Variants in AKAP10 observed in about 807,000 individuals in gnomAD.
The protein encoded by AKAP10 is A-kinase anchoring protein 10.
Under a neutral mutation model 80.8 loss-of-function variants are expected in AKAP10, and 24 were observed. That is an observed-to-expected ratio of 0.30 (90% CI 0.22 to 0.42). The LOEUF (loss-of-function observed/expected upper bound fraction) is 0.42, where lower values mean the gene tolerates loss of function less well. AKAP10 is among the 10% of genes least tolerant of loss of function. The pLI is 1.00. For missense variants in AKAP10, 661 were observed against 794.9 expected (o/e 0.83, Z 2.03); for synonymous variants, 291 against 277.7 (o/e 1.05, Z -0.48).
In AKAP10 at chr17:19,968,262, G is replaced by A. The variant is rs183214049; in HGVS notation, c.136+152C>T. On this transcript the variant is annotated intron_variant, in intron 2 of 14. Coordinates refer to ENST00000225737, the MANE Select transcript of AKAP10 (RefSeq NM_007202.4). ...TGCTAGATGTTAAAGCATTATACAG[G>A]TTAAAGAGGGAAATAAATCAAAATC... 47 of 587,764 alleles carry A rather than the reference G, an allele frequency of 8.0e-5. No individual in the cohort carries two copies. The East Asian group carries it at 1.2e-3, about 15-fold the overall frequency. 36.4% of individuals were successfully genotyped at this position (587,764 alleles called of 1,614,324 possible).
At chr17:19,976,818 C>T (rs2043574448) in intron 1 of AKAP10, among the ~76,000 whole-genome samples, 1 of 152,186 alleles carries the variant, frequency 6.6e-6, no homozygotes. Flanking sequence ...CGCCCGGCCT[C>T]TGTCTGGTAC....
chr17:19,910,620 C>G (rs959903241), intron 12 of AKAP10, among the ~76,000 whole-genome samples: 1 of 151,742 alleles, frequency 6.6e-6, no homozygotes, highest in Admixed American at 6.6e-5. Context: ...AAAAACAAAA[C>G]AAAACCAAAC....
intron 11 of AKAP10, among the ~76,000 whole-genome samples, chr17:19,923,794 G>A (rs1221036584): frequency 1.3e-5 from 2 of 152,170 alleles, no homozygotes; most frequent in Non-Finnish European, 2.9e-5. Flanking sequence ...CCAAAGTGCT[G>A]GGATTACAGG....
chr17:19,924,288 TAAGTGA>T (rs935897194), intron 11 of AKAP10, 114 bp downstream of exon 11: 7 of 663,424 alleles, frequency 1.1e-5, no homozygotes, highest in African/African-American at 3.7e-5. Context: ...CTGCACACTC[TAAGTGA>T]AAGTTCTGGG....
At chr17:19,946,204 TTTA>T (rs1217505922) in intron 5 of AKAP10, among the ~76,000 whole-genome samples, 7 of 46,264 alleles carry the variant, frequency 1.5e-4, no homozygotes, top group African/African-American at 6.8e-4. Flanking sequence ...ATACATATAT[TTTA>T]TATATATATA....
chr17:19,943,412 A>G (rs1300979349), intron 5 of AKAP10, among the ~76,000 whole-genome samples: 1 of 152,162 alleles, frequency 6.6e-6, no homozygotes, highest in African/African-American at 2.4e-5. Context: ...ATAGCCAATG[A>G]TCAATCATGC....
At chr17:19,952,475 T>C (rs2043226841) in intron 4 of AKAP10, among the ~76,000 whole-genome samples, 1 of 150,498 alleles carries the variant, frequency 6.6e-6, no homozygotes, top group Non-Finnish European at 1.5e-5. Flanking sequence ...AATAAATAAA[T>C]AAATAAATAA....
At chr17:19,950,942 G>A (rs1463599797) in intron 4 of AKAP10, among the ~76,000 whole-genome samples, 1 of 150,992 alleles carries the variant, frequency 6.6e-6, no homozygotes, top group Non-Finnish European at 1.5e-5. Flanking sequence ...GATGGGAGGA[G>A]CGCCTCTGCC....
chr17:19,928,457 CAT>C (rs2042897474), intron 10 of AKAP10, among the ~76,000 whole-genome samples: 2 of 152,284 alleles, frequency 1.3e-5, no homozygotes, highest in Middle Eastern at 3.4e-3. Flanking sequence ...CTGTAAAACT[CAT>C]ACACTGCTGG....
At position 19,958,254 on chromosome 17, in the gene AKAP10, C is replaced by A. The variant is rs777143010; in HGVS notation, c.637G>T (p.Ala213Ser). The stretch of plus-strand genomic sequence containing the variant: ...TCTGAATGAGTCATAAACAACTGTG[C>A]TGAGCCAGAATCCTCCAATCTCTTA... ...LDKRLEDSGS[A>S]QLFMTHSEGI... Residue 213 changes from alanine to serine, a missense_variant, in exon 4 of 15, where the codon GCA becomes TCA. Physicochemically the swap from Ala to Ser is moderately conservative, Grantham distance 99. Transcript: ENST00000225737. The A allele has an allele frequency of 2.5e-6, 4 of 1,614,088 alleles. No individual in the cohort carries two copies. The African/African-American group carries it at 5.3e-5, about 22-fold the overall frequency.
At position 19,962,839 on chromosome 17, in the gene AKAP10, C is replaced by T. The variant is rs1257456561; in HGVS notation, c.319+1G>A. On this transcript the variant is annotated splice_donor_variant, in intron 3 of 14. Transcript: ENST00000225737. LOFTEE classifies it high-confidence loss of function. The stretch of plus-strand genomic sequence containing the variant: ...GTTAATAAAAAATGATAGTTACTTA[C>T]CCAGGTCACCAAAATGAGCGGCCTC... The T allele has an allele frequency of 2.5e-6, 4 of 1,611,984 alleles. No homozygotes were observed. Among genetic ancestry groups the T allele is most frequent in the East Asian group, 2.2e-5 (1 of 44,862 alleles).
intron 1 of AKAP10, among the ~76,000 whole-genome samples, chr17:19,969,916 T>G (rs368891191): frequency 6.6e-6 from 1 of 152,210 alleles, no homozygotes; most frequent in Non-Finnish European, 1.5e-5. Flanking sequence ...CATCTGCCCA[T>G]GGACTACATC....
rs1218141001 is a variant in AKAP10, at chr17:19,931,953, C to A, written c.1493G>T (p.Ser498Ile). The A allele has an allele frequency of 6.2e-7, 1 of 1,612,706 alleles. No homozygotes were observed. The highest frequency in any genetic ancestry group is 1.3e-5 in the African/African-American group (1 of 74,840). Residue 498 changes from serine (S) to isoleucine (I), a missense_variant, in exon 10 of 15, where the codon AGC becomes ATC. Ser to Ile is a moderately radical substitution (Grantham distance 142). Coordinates refer to ENST00000225737, the MANE Select transcript of AKAP10 (RefSeq NM_007202.4). ...EKVFLPGFLS[S>I]NLYYKYLNDL... ...ATTCAAATATTTATAATAAAGATTG[C>A]TGGACAAAAAGCCAGGCAAAAAGAC...
intron 8 of AKAP10, 121 bp downstream of exon 8, chr17:19,939,591 CT>C (rs1441645720): frequency 8.5e-7 from 1 of 1,180,022 alleles, no homozygotes; most frequent in East Asian, 2.6e-5. Flanking sequence ...ATAAAAGCAG[CT>C]TTTATGCTGC....
At chr17:19,918,933 T>A (rs576229077) in intron 12 of AKAP10, among the ~76,000 whole-genome samples, 77 of 152,324 alleles carry the variant, frequency 5.1e-4, no homozygotes, top group South Asian at 2.7e-3. Flanking sequence ...TTATTTTTTT[T>A]AAATTTATTA....
At chr17:19,962,295 TACACACACACAC>T (rs36115670) in intron 3 of AKAP10, among the ~76,000 whole-genome samples, 4 of 125,140 alleles carry the variant, frequency 3.2e-5, no homozygotes, top group South Asian at 4.9e-4. Flanking sequence ...TACATACATA[TACACACACACAC>T]ACACACACAC....
At chr17:19,925,250 G>C (rs1479360705) in intron 10 of AKAP10, among the ~76,000 whole-genome samples, 1 of 152,120 alleles carries the variant, frequency 6.6e-6, no homozygotes, top group Non-Finnish European at 1.5e-5. Flanking sequence ...CAAATGTGCT[G>C]TACTCACAGC....
chr17:19,972,291 G>A (rs1213925462), intron 1 of AKAP10, among the ~76,000 whole-genome samples: 1 of 151,956 alleles, frequency 6.6e-6, no homozygotes, highest in Non-Finnish European at 1.5e-5. Flanking sequence ...ATCCTTTCAT[G>A]TTTATTGGTC....
intron 12 of AKAP10, among the ~76,000 whole-genome samples, chr17:19,916,089 C>T (rs910938312): frequency 2.6e-5 from 4 of 152,192 alleles, no homozygotes; most frequent in South Asian, 4.1e-4. Context: ...GGCCTCTATC[C>T]TTGTTCCTTT....
Sources: allele counts gnomAD v4.1 joint callset (sites outside exome capture counted in the v4.1 genomes callset), GRCh38; gene constraint gnomAD v4.1.1; transcripts MANE v1.5; gene names NCBI Gene and HGNC (gene_info 2026-07-23, HGNC 2026-07-21).